The following DPH6 variants were observed in gnomAD, a reference collection of about 807,000 sequenced individuals.
DPH6 encodes the protein diphthamine biosynthesis 6.
In DPH6, 33 loss-of-function variants were observed where a neutral mutation model predicts 38.2. That is an observed-to-expected ratio of 0.86 (90% CI 0.65 to 1.15). The LOEUF (loss-of-function observed/expected upper bound fraction) is 1.15, where lower values mean the gene tolerates loss of function less well. Ranked by LOEUF, DPH6 falls within the 50% of genes most tolerant of loss-of-function variation. The pLI, the probability that DPH6 is intolerant of heterozygous loss-of-function variation, is 0.00. For synonymous variants in DPH6, 108 were observed against 103.0 expected, an observed-to-expected ratio of 1.05 and a Z score of -0.30; for missense variants, 325 against 320.0, an observed-to-expected ratio of 1.02 and a Z score of -0.12.
intron 3 of DPH6, among the ~76,000 whole-genome samples, chr15:35,301,019 C>A (rs1003427821): frequency 2.0e-5 from 3 of 152,126 alleles, no homozygotes; most frequent in Non-Finnish European, 4.4e-5. Flanking sequence ...GAGATTATTT[C>A]TTGATCTGAG....
At chr15:35,154,003 TC>T in the DPH6 span, among the ~76,000 whole-genome samples, 4 of 152,154 alleles carry the variant, frequency 2.6e-5, no homozygotes, top group Non-Finnish European at 5.9e-5. Flanking sequence ...GAGTGGTTCA[TC>T]TTACCTAGAT....
chr15:35,546,084 CT>C, intron 1 of DPH6, 34 bp downstream of exon 1: 1 of 1,371,606 alleles, frequency 7.3e-7, no homozygotes, highest in Non-Finnish European at 9.5e-7. Context: ...AGAGCCTGGC[CT>C]AGGAGGAAGG....
chr15:35,270,849 T>C (rs914276758), intron 3 of DPH6, among the ~76,000 whole-genome samples: 1 of 152,224 alleles, frequency 6.6e-6, no homozygotes, highest in African/African-American at 2.4e-5. Flanking sequence ...TACATTTTTA[T>C]TTAAATCTCA....
At chr15:35,456,680 G>T (rs1485956484) in intron 3 of DPH6, among the ~76,000 whole-genome samples, 2 of 151,778 alleles carry the variant, frequency 1.3e-5, no homozygotes, top group African/African-American at 4.8e-5. Flanking sequence ...TAGAGACGGG[G>T]TTTCACCATA....
intron 3 of DPH6, chr15:35,283,090 T>TTTC (rs778085864): frequency 6.2e-6 from 1 of 160,170 alleles, no homozygotes; most frequent in African/African-American, 2.5e-5. Context: ...TTCTTCCTTC[T>TTTC]TTCTTCTTCT....
At chr15:35,529,610 C>T (rs1461412086) in intron 3 of DPH6, among the ~76,000 whole-genome samples, 1 of 152,156 alleles carries the variant, frequency 6.6e-6, no homozygotes, top group African/African-American at 2.4e-5. Context: ...GCAACTGTAC[C>T]TTGTATTAAT....
chr15:35,242,156 C>T (rs146496841), intron 3 of DPH6, among the ~76,000 whole-genome samples: 4,866 of 144,152 alleles, frequency 0.034, 548 homozygotes, highest in African/African-American at 0.12. Context: ...ACAGACAGCC[C>T]CCATTACTTC....
At chr15:35,305,733 TAAG>T (rs1348876274) in intron 3 of DPH6, among the ~76,000 whole-genome samples, 1 of 152,160 alleles carries the variant, frequency 6.6e-6, no homozygotes, top group Non-Finnish European at 1.5e-5. Context: ...TCAACTTTTG[TAAG>T]AAATTTTGTT....
chr15:35,377,556 T>C (rs1321371875), intron 7 of DPH6, among the ~76,000 whole-genome samples: 1 of 152,114 alleles, frequency 6.6e-6, no homozygotes, highest in Non-Finnish European at 1.5e-5. Flanking sequence ...AGAGAGCAGG[T>C]TTCTAATTTG....
At chr15:35,526,991 C>T (rs2055013224) in intron 3 of DPH6, among the ~76,000 whole-genome samples, 1 of 152,018 alleles carries the variant, frequency 6.6e-6, no homozygotes, top group Non-Finnish European at 1.5e-5. Flanking sequence ...ATTATAGGCA[C>T]CAAATGTAGA....
At chr15:35,303,419 A>C (rs528631486) in intron 3 of DPH6, among the ~76,000 whole-genome samples, 1 of 151,930 alleles carries the variant, frequency 6.6e-6, no homozygotes, top group South Asian at 2.1e-4. Context: ...AGACGTTCCA[A>C]TGACAAATAT....
At chr15:35,473,610 C>T (rs2054223851) in intron 3 of DPH6, among the ~76,000 whole-genome samples, 1 of 151,992 alleles carries the variant, frequency 6.6e-6, no homozygotes, top group African/African-American at 2.4e-5. Flanking sequence ...TGTACCTGGA[C>T]TAGGGTTATC....
At chr15:35,207,872 A>AT in the DPH6 span, among the ~76,000 whole-genome samples, 1,012 of 152,288 alleles carry the variant, frequency 6.6e-3, 8 homozygotes, top group Non-Finnish European at 9.1e-3. Flanking sequence ...CACTAACCGG[A>AT]ATTCTCAAAT....
the DPH6 span, among the ~76,000 whole-genome samples, chr15:35,209,235 T>C: frequency 6.6e-6 from 1 of 152,166 alleles, no homozygotes; most frequent in African/African-American, 2.4e-5. Context: ...CTGCAAATAA[T>C]GATGGTATTG....
At chr15:35,478,197 T>G (rs889637786) in intron 3 of DPH6, among the ~76,000 whole-genome samples, 14 of 151,964 alleles carry the variant, frequency 9.2e-5, no homozygotes, top group African/African-American at 3.1e-4. Flanking sequence ...AGTATCACAT[T>G]ATGTGTAAAG....
the DPH6 span, among the ~76,000 whole-genome samples, chr15:35,155,150 G>T: frequency 1.7e-3 from 265 of 152,238 alleles, no homozygotes; most frequent in Non-Finnish European, 2.5e-3. Flanking sequence ...ATCTTCTCCT[G>T]CACAACTACA....
downstream of DPH6, among the ~76,000 whole-genome samples, chr15:35,368,359 A>C (rs984281377): frequency 6.6e-6 from 1 of 151,910 alleles, no homozygotes; most frequent in African/African-American, 2.4e-5. Context: ...CCTAGGAGCA[A>C]GACTGAAAAA....
chr15:35,223,952 G>A (rs1026054170), intron 3 of DPH6, among the ~76,000 whole-genome samples: 2 of 151,786 alleles, frequency 1.3e-5, no homozygotes, highest in African/African-American at 4.8e-5. Context: ...GGAAATCCTG[G>A]CAACCACTTA....
At chr15:35,319,433 G>A (rs2140841411) in intron 3 of DPH6, among the ~76,000 whole-genome samples, 1 of 152,186 alleles carries the variant, frequency 6.6e-6, no homozygotes, top group Admixed American at 6.5e-5. Flanking sequence ...ACAGTAGAAA[G>A]GTAAATCTAA....
Sources: gnomAD v4.1 joint callset for allele counts (sites outside exome capture counted in the v4.1 genomes callset) on GRCh38, gnomAD v4.1.1 for gene constraint, MANE v1.5 for transcripts, NCBI Gene and HGNC (gene_info 2026-07-23, HGNC 2026-07-21) for gene names.